Variants in EHD4 observed in about 807,000 individuals in gnomAD.
EHD4 encodes EH domain containing 4.
A neutral mutation model predicts 51.0 loss-of-function variants in EHD4; 37 were observed. That is an observed-to-expected ratio of 0.73 (90% confidence interval 0.56 to 0.95). The LOEUF (loss-of-function observed/expected upper bound fraction) is 0.95, where lower values mean the gene tolerates loss of function less well. Ranked by LOEUF, EHD4 falls within the 40% of genes least tolerant of loss-of-function variation. The pLI is 0.00. For missense variants in EHD4, 632 were observed against 733.1 expected, an observed-to-expected ratio of 0.86 and a Z score of 1.59; for synonymous variants, 297 against 317.3, an observed-to-expected ratio of 0.94 and a Z score of 0.68.
chr15:41,955,536 C>T (rs948895375), intron 1 of EHD4, among the ~76,000 whole-genome samples: 9 of 152,290 alleles, frequency 5.9e-5, no homozygotes, highest in African/African-American at 1.9e-4. Context: ...GCTACCCTGA[C>T]AACAAGGGCC....
chr15:41,910,459 G>T (rs1379003052), intron 4 of EHD4, among the ~76,000 whole-genome samples: 1 of 152,174 alleles, frequency 6.6e-6, no homozygotes, highest in African/African-American at 2.4e-5. Flanking sequence ...TGGGGCTTGG[G>T]GTAGCCAGCA....
At chr15:41,909,372 C>T (rs2067533923) in intron 5 of EHD4, among the ~76,000 whole-genome samples, 1 of 152,230 alleles carries the variant, frequency 6.6e-6, no homozygotes, top group Non-Finnish European at 1.5e-5. Context: ...GAAGGCCACT[C>T]CCAGCTGTGA....
At chr15:41,911,639 TCTATGTATAC>T (rs1160011788) in intron 4 of EHD4, among the ~76,000 whole-genome samples, 3 of 152,166 alleles carry the variant, frequency 2.0e-5, no homozygotes, top group African/African-American at 2.4e-5. Flanking sequence ...GAGTATGTTC[TCTATGTATAC>T]CTATGTATAC....
intron 4 of EHD4, among the ~76,000 whole-genome samples, chr15:41,911,800 A>G (rs536083404): frequency 6.6e-6 from 1 of 152,134 alleles, no homozygotes; most frequent in East Asian, 1.9e-4. Flanking sequence ...CTAGCCCTGG[A>G]GCAGCTGCCT....
Position 41,900,628 on chromosome 15 carries a change from G to T in EHD4, c.*17C>A. 6.4e-7 allele frequency: 1 copy of T among 1,563,910 alleles called. No individual in the cohort carries two copies. Among genetic ancestry groups the T allele is most frequent in the Non-Finnish European group, 8.6e-7 (1 of 1,158,988 alleles). On this transcript the variant is annotated 3_prime_UTR_variant, in exon 6 of 6. Transcript: ENST00000220325. The surrounding 1 kb of genome is among the most constrained non-coding windows in gnomAD (Gnocchi z 4.8). Reference sequence around the variant, plus strand: ...GCCCAGGTCCCCCAGTTCCCACCCCGTTCTGCAGCCCACCCCTCAGTCGGC... The same window carrying T: ...GCCCAGGTCCCCCAGTTCCCACCCCTTTCTGCAGCCCACCCCTCAGTCGGC...
intron 1 of EHD4, among the ~76,000 whole-genome samples, chr15:41,957,507 G>C (rs558581404): frequency 1.3e-5 from 2 of 152,252 alleles, no homozygotes; most frequent in East Asian, 3.9e-4. Flanking sequence ...GGAATGATTT[G>C]AGTCAGCCTC....
chr15:41,931,121 G>A (rs1045778077), intron 3 of EHD4, among the ~76,000 whole-genome samples: 2 of 152,160 alleles, frequency 1.3e-5, no homozygotes, highest in Admixed American at 6.5e-5. Flanking sequence ...AGTTACATCT[G>A]CACATTTTTT....
At position 41,914,960 on chromosome 15, in the gene EHD4, A is replaced by AT. The variant is rs536892202; in HGVS notation, c.924+4249dup. On this transcript the variant is annotated intron_variant, in intron 4 of 5. Transcript: ENST00000220325. ...ACCTCCACGCCCAGCTAATTTTTGTATTTTTTGTAATTTTTTTGTAATTTT... is the reference window on the plus strand; with the variant it reads ...ACCTCCACGCCCAGCTAATTTTTGTATTTTTTTGTAATTTTTTTGTAATTTT... Among the ~76,000 whole-genome samples the AT allele has an allele frequency of 3.0e-3, 449 of 151,748 alleles. 5 individuals are homozygous for AT. The highest frequency in any genetic ancestry group is 0.01 in the African/African-American group (426 of 41,344).
rs116290659 is a variant in EHD4 at position 41,950,597 on chromosome 15, G to C, written c.413+3167C>G. Among the ~76,000 whole-genome samples, 1,268 of 152,326 alleles carry C rather than the reference G, an allele frequency of 8.3e-3. 12 individuals carry two copies. Among genetic ancestry groups the C allele is most frequent in the African/African-American group, 0.025 (1,047 of 41,564 alleles). ...ATTGACTCTTTCTTAAATAACTGCTGTGTGATGCAGTGGCACTGTCCTGTG... is the reference window on the plus strand; with the variant it reads ...ATTGACTCTTTCTTAAATAACTGCTCTGTGATGCAGTGGCACTGTCCTGTG... On this transcript the variant is annotated intron_variant, in intron 2 of 5. Transcript: ENST00000220325.
intron 3 of EHD4, among the ~76,000 whole-genome samples, chr15:41,936,859 C>A (rs1433759734): frequency 2.0e-5 from 3 of 152,158 alleles, no homozygotes; most frequent in Non-Finnish European, 4.4e-5. Flanking sequence ...TCAAAACTTC[C>A]CCGAAACAAA....
In EHD4 at chr15:41,900,400, C is replaced by G. The variant is rs2067467619; in HGVS notation, c.*245G>C. On this transcript the variant is annotated 3_prime_UTR_variant, in exon 6 of 6. Transcript: ENST00000220325. The surrounding 1 kb of genome is among the most constrained non-coding windows in gnomAD (Gnocchi z 4.8). ...TCTGAGGACTCTTTGGACAATTTCT[C>G]TTTCTTCTCAACCCTTCAATCTCCT... 1.9e-6 allele frequency: 1 copy of G among 538,672 alleles called. No homozygotes were observed. Among genetic ancestry groups the G allele is most frequent in the East Asian group, 3.0e-5 (1 of 32,940 alleles). The allele number at this position is 538,672 out of a possible 1,614,324, so 33.4% of individuals were successfully genotyped here. A position where few individuals can be genotyped will look rare whatever the true frequency, so the allele number is the denominator to read the frequency against.
intron 4 of EHD4, among the ~76,000 whole-genome samples, chr15:41,914,225 A>C (rs1475060675): frequency 6.6e-6 from 1 of 152,200 alleles, no homozygotes; most frequent in African/African-American, 2.4e-5. Flanking sequence ...CGGGCTGGGA[A>C]GGCATGGTGA....
At chr15:41,960,506 T>C (rs2067917505) in intron 1 of EHD4, among the ~76,000 whole-genome samples, 1 of 152,208 alleles carries the variant, frequency 6.6e-6, no homozygotes, top group Admixed American at 6.5e-5. Context: ...AAGTTGAATA[T>C]GTATCAATTT....
chr15:41,940,414 T>C (rs1163073474), intron 3 of EHD4, among the ~76,000 whole-genome samples: 1 of 152,240 alleles, frequency 6.6e-6, no homozygotes, highest in African/African-American at 2.4e-5. Flanking sequence ...GTGGCACTGT[T>C]TGCAATCGTT....
chr15:41,943,141 T>C lies in EHD4; in HGVS notation c.437A>G (p.Asn146Ser), dbSNP rs141695670. The change falls in exon 3 of 6, where the codon AAT becomes AGT. Residue 146 changes from asparagine (N) to serine (S), a missense_variant. Transcript: ENST00000220325. ...GACGCTGATGCTCTTCAGGACCTGA[T>C]TGGGGAGCTGTGAGCACATGAATCT... ...LNRFMCSQLP[N>S]QVLKSISVID... 2.5e-4 allele frequency: 391 copies of C among 1,591,656 alleles called. 1 individual carries two copies. The highest frequency in any genetic ancestry group is 1.7e-3 in the Middle Eastern group (10 of 6,050).
intron 5 of EHD4, among the ~76,000 whole-genome samples, chr15:41,905,662 ACCC>A (rs1287833322): frequency 6.6e-6 from 1 of 152,074 alleles, no homozygotes; most frequent in Non-Finnish European, 1.5e-5. Context: ...AATTATTTTT[ACCC>A]CCATTTGTTC....
Position 41,900,336 on chromosome 15 carries a change from T to C in EHD4, c.*309A>G. ...GCTCACTTCCTGTGGTTCCTGGGAC[T>C]TACCAGGCCCACCCCCATGCGCATT... On this transcript the variant is annotated 3_prime_UTR_variant, in exon 6 of 6. Coordinates refer to ENST00000220325, the MANE Select transcript of EHD4 (RefSeq NM_139265.4). The surrounding 1 kb of genome is among the most constrained non-coding windows in gnomAD (Gnocchi z 4.8). The C allele has an allele frequency of 2.7e-6, 1 of 367,276 alleles. No individual in the cohort carries two copies. The highest frequency in any genetic ancestry group is 4.9e-6 in the Non-Finnish European group (1 of 202,490). The allele number at this position is 367,276 out of a possible 1,614,324, so 22.8% of individuals were successfully genotyped here.
rs1181578813 is a variant in EHD4 at position 41,957,995 on chromosome 15, C to T, written c.237-4055G>A. Among the ~76,000 whole-genome samples the T allele has an allele frequency of 5.9e-5, 9 of 152,072 alleles. No homozygotes were observed. The South Asian group carries it at 1.0e-3, about 18-fold the overall frequency. On this transcript the variant is annotated intron_variant, in intron 1 of 5. Coordinates refer to ENST00000220325, the MANE Select transcript of EHD4 (RefSeq NM_139265.4). ...TAAATGGGTCAATCACACAGCCACACGGGATAGACAGCCTGATCAACTGTG... is the reference window on the plus strand; with the variant it reads ...TAAATGGGTCAATCACACAGCCACATGGGATAGACAGCCTGATCAACTGTG...
chr15:41,915,988 C>A (rs566102117), intron 4 of EHD4, among the ~76,000 whole-genome samples: 1 of 152,186 alleles, frequency 6.6e-6, no homozygotes, highest in East Asian at 1.9e-4. Flanking sequence ...TAAAATGTCA[C>A]CTTTATGACA....
Sources: allele counts gnomAD v4.1 joint callset (sites outside exome capture counted in the v4.1 genomes callset), GRCh38; gene constraint gnomAD v4.1.1; non-coding constraint Gnocchi (gnomAD v3.1); transcripts MANE v1.5; gene names NCBI Gene and HGNC (gene_info 2026-07-23, HGNC 2026-07-21).